The following SLC3A2 variants were observed in gnomAD, a reference collection of about 807,000 sequenced individuals.
SLC3A2 encodes the protein amino acid transporter heavy chain SLC3A2.
In SLC3A2, 32 loss-of-function variants were observed where a neutral mutation model predicts 48.5. The ratio of observed to expected loss-of-function variants is 0.66; its 90% confidence interval spans 0.50 to 0.89. SLC3A2 has a LOEUF of 0.89. Ranked by LOEUF, SLC3A2 falls within the 40% of genes least tolerant of loss-of-function variation. The pLI is 0.00. For missense variants in SLC3A2, 587 were observed against 680.7 expected (o/e 0.86, Z 1.53); for synonymous variants, 277 against 288.8 (o/e 0.96, Z 0.41).
At chr11:62,862,779 TAG>T (rs1387257200) in intron 1 of SLC3A2, among the ~76,000 whole-genome samples, 1 of 152,188 alleles carries the variant, frequency 6.6e-6, no homozygotes, top group Non-Finnish European at 1.5e-5. Flanking sequence ...ATTTTGCTCT[TAG>T]AGAGGTCTGG....
chr11:62,878,918 G>A (rs867510965), upstream of SLC3A2, among the ~76,000 whole-genome samples: 8 of 151,410 alleles, frequency 5.3e-5, no homozygotes, highest in South Asian at 2.1e-4. Flanking sequence ...GACTACAGGC[G>A]TGTGCTACTA....
chr11:62,882,053 G>A lies in SLC3A2; in HGVS notation c.585G>A (p.Ser195=). The change falls in exon 2 of 9, where the codon TCG becomes TCA. Residue 195 remains serine, a synonymous_variant. Transcript: ENST00000338663. Reference sequence around the variant, plus strand: ...AAGATTTTGACAGTCTCTTGCAATCGGCTAAAAAAAAGAGTGGGTATCCTG... The same window carrying A: ...AAGATTTTGACAGTCTCTTGCAATCAGCTAAAAAAAAGAGTGGGTATCCTG... The part of the protein sequence containing the change: ...SKEDFDSLLQ[S]AKKKSIRVIL... 1.2e-6 allele frequency: 2 copies of A among 1,613,826 alleles called. No individual in the cohort carries two copies. The highest frequency in any genetic ancestry group is 1.7e-6 in the Non-Finnish European group (2 of 1,179,930).
upstream of SLC3A2, among the ~76,000 whole-genome samples, chr11:62,877,185 G>A (rs549635): frequency 6.6e-6 from 1 of 150,456 alleles, no homozygotes; most frequent in South Asian, 2.1e-4. Flanking sequence ...CTCAGCCTCC[G>A]GAGTAGCTGG....
intron 1 of SLC3A2, among the ~76,000 whole-genome samples, chr11:62,862,762 C>T (rs1319820802): frequency 6.6e-6 from 1 of 152,116 alleles, no homozygotes; most frequent in South Asian, 2.1e-4. Context: ...TCCTACCTTA[C>T]CAAATGATTT....
chr11:62,867,424 C>G (rs952289676), intron 1 of SLC3A2, among the ~76,000 whole-genome samples: 1 of 143,958 alleles, frequency 6.9e-6, no homozygotes. Flanking sequence ...CTCCCGGGTT[C>G]AAGCTATTCT....
chr11:62,881,516 C>T lies in SLC3A2; in HGVS notation c.424+69C>T. 6.7e-7 allele frequency: 1 copy of T among 1,489,002 alleles called. No homozygotes were observed. Among genetic ancestry groups the T allele is most frequent in the South Asian group, 1.3e-5 (1 of 75,644 alleles). The allele number at this position is 1,489,002 out of a possible 1,614,324, so 92.2% of individuals were successfully genotyped here. On this transcript the variant is annotated intron_variant, in intron 1 of 8. Coordinates refer to ENST00000338663, the MANE Select transcript of SLC3A2 (RefSeq NM_001013251.3). The surrounding 1 kb of genome is among the most constrained non-coding windows in gnomAD (Gnocchi z 4.0). The stretch of plus-strand genomic sequence containing the variant: ...TGGTGGCTTGCACCGACCCCCTCCC[C>T]TGTCCCCAGACGGATCTAGATGGTT...
At chr11:62,864,141 C>G (rs2085428359) in intron 1 of SLC3A2, among the ~76,000 whole-genome samples, 1 of 152,074 alleles carries the variant, frequency 6.6e-6, no homozygotes, top group African/African-American at 2.4e-5. Context: ...AATCTCTGTC[C>G]CTCCCCAGGA....
rs183967446 is a variant in SLC3A2 at position 62,856,401 on chromosome 11, G to A, written c.112+20G>A. 110 of 1,588,344 alleles carry A rather than the reference G, an allele frequency of 6.9e-5. No individual in the cohort carries two copies. In the African/African-American group the frequency reaches 1.1e-3, roughly 16 times the overall value. ...ACTCAGGTACTGGATCCCGGGCTAA[G>A]CTCGGGAGGAGGTCCCCTTTGGTGG... On this transcript the variant is annotated intron_variant, in intron 1 of 9. Transcript: ENST00000377889.
intron 3 of SLC3A2, chr11:62,883,846 A>G (rs939517095): frequency 2.7e-6 from 1 of 377,316 alleles, no homozygotes; most frequent in Non-Finnish European, 5.3e-6. Flanking sequence ...GTGAAGTTCC[A>G]CAGTGTGTGC....
chr11:62,886,351 A>T (rs1590638083), intron 7 of SLC3A2: 1 of 151,472 alleles, frequency 6.6e-6, no homozygotes, highest in East Asian at 1.9e-4. Context: ...CTACAAAGGC[A>T]TTCACTAGCT....
intron 1 of SLC3A2, among the ~76,000 whole-genome samples, chr11:62,873,488 C>CAA (rs776857451): frequency 2.3e-5 from 3 of 128,660 alleles, no homozygotes; most frequent in Non-Finnish European, 3.4e-5. Flanking sequence ...AACTCTGTCT[C>CAA]AAAAAAAAAA....
chr11:62,867,650 TA>T (rs1425150119), intron 1 of SLC3A2, among the ~76,000 whole-genome samples: 3 of 152,056 alleles, frequency 2.0e-5, no homozygotes, highest in Non-Finnish European at 4.4e-5. Flanking sequence ...AAATTTAATT[TA>T]ATTTTTAAAA....
At chr11:62,887,644 A>G (rs2135022082) in intron 7 of SLC3A2, among the ~76,000 whole-genome samples, 1 of 151,266 alleles carries the variant, frequency 6.6e-6, no homozygotes, top group Admixed American at 6.6e-5. Flanking sequence ...CAGAGATTGC[A>G]GTAAGCCAAG....
intron 1 of SLC3A2, among the ~76,000 whole-genome samples, chr11:62,864,813 G>A (rs2085436505): frequency 6.6e-6 from 1 of 150,902 alleles, no homozygotes; most frequent in Non-Finnish European, 1.5e-5. Context: ...CTGTCGCCTA[G>A]GCTGGAGTGC....
chr11:62,881,477 C>T lies in SLC3A2; in HGVS notation c.424+30C>T. The T allele has an allele frequency of 2.6e-6, 4 of 1,540,646 alleles. No homozygotes were observed. The highest frequency in any genetic ancestry group is 3.5e-6 in the Non-Finnish European group (4 of 1,151,188). On this transcript the variant is annotated intron_variant, in intron 1 of 8. Coordinates refer to ENST00000338663, the MANE Select transcript of SLC3A2 (RefSeq NM_001013251.3). The surrounding 1 kb of genome is among the most constrained non-coding windows in gnomAD (Gnocchi z 4.0). ...GTGCAGCGCGCCCCCGTCCCGGGTA[C>T]CTCCGGTTGAATCTGGTGGCTTGCA...
chr11:62,876,044 T>C (rs771420436), upstream of SLC3A2, among the ~76,000 whole-genome samples: 1 of 152,190 alleles, frequency 6.6e-6, no homozygotes, highest in Non-Finnish European at 1.5e-5. Flanking sequence ...TTGTTAATTT[T>C]TGTAGAGATG....
At position 62,881,895 on chromosome 11, in the gene SLC3A2, C is replaced by A; in HGVS notation, c.427C>A (p.Leu143Met). ...TGTTAACCCAGCCCCCATTTCAGGT[C>A]TGAAGGGGCGTCTCGATTACCTGAG... ...QGHGAGNLAG[L>M]KGRLDYLSSL... Residue 143 changes from leucine (L) to methionine (M), a missense_variant and splice_region_variant, in exon 2 of 9, where the codon CTG (leucine) becomes ATG (methionine). Leu to Met is a conservative substitution (Grantham distance 15). Around this residue, in one of 3 missense-constraint regions of SLC3A2, gnomAD observed 409 missense variants for 446.7 expected, o/e 0.92. Transcript: ENST00000338663. This position sits in a 1 kb window ranked among gnomAD's most constrained non-coding sequence, Gnocchi z 4.0. The A allele has an allele frequency of 6.2e-6, 10 of 1,613,928 alleles. No homozygotes were observed. The highest frequency in any genetic ancestry group is 8.5e-6 in the Non-Finnish European group (10 of 1,179,934).
At position 62,881,578 on chromosome 11, in the gene SLC3A2, C is replaced by A; in HGVS notation, c.424+131C>A. The stretch of plus-strand genomic sequence containing the variant: ...CCCGTACCGACGACTGTTCCCCCTT[C>A]CCCCACCCCCTCCCCGGCACATTGT... On this transcript the variant is annotated intron_variant, in intron 1 of 8. Transcript: ENST00000338663. The surrounding 1 kb of genome is among the most constrained non-coding windows in gnomAD (Gnocchi z 4.0). 1 of 1,217,206 alleles carries A rather than the reference C, an allele frequency of 8.2e-7. No homozygotes were observed. Among genetic ancestry groups the A allele is most frequent in the Non-Finnish European group, 1.1e-6 (1 of 901,678 alleles). 75.4% of individuals were successfully genotyped at this position (1,217,206 alleles called of 1,614,324 possible). A position where few individuals can be genotyped will look rare whatever the true frequency, so the allele number is the denominator to read the frequency against.
intron 1 of SLC3A2, among the ~76,000 whole-genome samples, chr11:62,871,068 AGAGAC>A (rs1235191123): frequency 6.7e-6 from 1 of 150,298 alleles, no homozygotes; most frequent in Non-Finnish European, 1.5e-5. Context: ...TATTTTTAGT[AGAGAC>A]GAGTTTCAGC....
Sources: gnomAD v4.1 joint callset for allele counts (sites outside exome capture counted in the v4.1 genomes callset) on GRCh38, gnomAD v4.1.1 for gene constraint, gnomAD v4.1.1 regional missense constraint, Gnocchi (gnomAD v3.1) non-coding constraint, MANE v1.5 for transcripts, NCBI Gene and HGNC (gene_info 2026-07-23, HGNC 2026-07-21) for gene names.